Variants in THOC5 observed in about 807,000 individuals in gnomAD.
THOC5 encodes THO complex subunit 5.
THOC5 carries 43 observed loss-of-function variants against 92.9 expected under a neutral mutation model. That is an observed-to-expected ratio of 0.46 (90% CI 0.36 to 0.60). THOC5 has a LOEUF of 0.60. Among genes scored for constraint, THOC5 ranks in the 20% least tolerant of loss-of-function variants. The probability of loss-of-function intolerance (pLI) is 0.00; values close to 1 mark genes in which losing one functional copy is unlikely to be tolerated. For missense variants in THOC5, 659 were observed against 849.4 expected (o/e 0.78, Z 2.79); for synonymous variants, 296 against 320.1 (o/e 0.92, Z 0.80).
At chr22:29,519,236 G>A (rs1400643537) in intron 14 of THOC5, 116 bp from the exon 15 acceptor site, 1 of 630,260 alleles carries the variant, frequency 1.6e-6, no homozygotes, top group Non-Finnish European at 2.8e-6. Context: ...GCCCCAAGAT[G>A]GGTACCCTTT....
intron 11 of THOC5, among the ~76,000 whole-genome samples, chr22:29,526,588 TC>T (rs2063549915): frequency 6.6e-6 from 1 of 150,618 alleles, no homozygotes; most frequent in South Asian, 2.1e-4. Context: ...AAGGAGAGCA[TC>T]TACAAATTCT....
chr22:29,532,526 G>A (rs756555753), intron 7 of THOC5, among the ~76,000 whole-genome samples: 8 of 151,298 alleles, frequency 5.3e-5, no homozygotes, highest in Non-Finnish European at 8.8e-5. Flanking sequence ...TTAGCTGGGC[G>A]TGGTGGCATA....
intron 17 of THOC5, among the ~76,000 whole-genome samples, chr22:29,513,244 C>A (rs866627652): frequency 2.6e-5 from 4 of 151,984 alleles, no homozygotes; most frequent in African/African-American, 7.2e-5. Flanking sequence ...CAGCTACCAG[C>A]TACTCAGGAG....
At chr22:29,549,880 G>A (rs1306648767) in intron 1 of THOC5, among the ~76,000 whole-genome samples, 3 of 151,912 alleles carry the variant, frequency 2.0e-5, no homozygotes, top group African/African-American at 2.4e-5. Flanking sequence ...TATCCTTCAA[G>A]ACTAAGCAAT....
At position 29,549,197 on chromosome 22, in the gene THOC5, C is replaced by A. The variant is rs201770075; in HGVS notation, c.-11-39G>T. 66 of 1,578,546 alleles carry A rather than the reference C, an allele frequency of 4.2e-5. No individual in the cohort carries two copies. The Admixed American group carries it at 7.9e-4, about 19-fold the overall frequency. On this transcript the variant is annotated intron_variant, in intron 1 of 19. Coordinates refer to ENST00000490103, the MANE Select transcript of THOC5 (RefSeq NM_003678.5). ...AAAGTTTTTGAGATTCTTCTGGAGT[C>A]ATAACACTGAAGTCAAACTAGCAGT...
chr22:29,515,161 C>T (rs967955815), intron 17 of THOC5, among the ~76,000 whole-genome samples: 1 of 152,058 alleles, frequency 6.6e-6, no homozygotes, highest in Non-Finnish European at 1.5e-5. Flanking sequence ...CCTGCCTCAG[C>T]CTCCTGAGTA....
chr22:29,543,546 T>C lies in THOC5; in HGVS notation c.241-4A>G, dbSNP rs778662297. 1.9e-6 allele frequency: 3 copies of C among 1,608,800 alleles called. No homozygotes were observed. The Admixed American group carries it at 5.0e-5, about 27-fold the overall frequency. On this transcript the variant is annotated splice_region_variant and splice_polypyrimidine_tract_variant and intron_variant, in intron 3 of 19. Coordinates refer to ENST00000490103, the MANE Select transcript of THOC5 (RefSeq NM_003678.5). ...TCCGTTCTTCTATTTCTATTGCCTG[T>C]GGGCAAAGAAAACAGTAAAGCCCAC...
intron 2 of THOC5, among the ~76,000 whole-genome samples, chr22:29,548,500 A>G (rs1027419297): frequency 3.9e-5 from 6 of 152,182 alleles, no homozygotes; most frequent in African/African-American, 1.4e-4. Flanking sequence ...GTCTGCAGTG[A>G]GCAGAAATCG....
intron 17 of THOC5, among the ~76,000 whole-genome samples, chr22:29,516,629 G>A (rs188077757): frequency 6.6e-5 from 10 of 152,346 alleles, no homozygotes; most frequent in Admixed American, 2.6e-4. Context: ...AAGAGGGAGC[G>A]AGGCCCTGTG....
intron 5 of THOC5, among the ~76,000 whole-genome samples, chr22:29,541,721 C>T (rs1443207265): frequency 3.4e-5 from 5 of 148,824 alleles, no homozygotes; most frequent in East Asian, 2.0e-4. Flanking sequence ...ATTAGCCGGG[C>T]GTGGTGGCAA....
At chr22:29,547,849 CTGGATTAGTTTAT>C (rs2064056529) in intron 2 of THOC5, among the ~76,000 whole-genome samples, 1 of 152,180 alleles carries the variant, frequency 6.6e-6, no homozygotes, top group Admixed American at 6.6e-5. Flanking sequence ...TATGAATTTA[CTGGATTAGTTTAT>C]TTTCACGCTG....
In THOC5 at chr22:29,508,532, G is replaced by T; in HGVS notation, c.1989-12C>A. On this transcript the variant is annotated splice_polypyrimidine_tract_variant and intron_variant, in intron 19 of 19. Coordinates refer to ENST00000490103, the MANE Select transcript of THOC5 (RefSeq NM_003678.5). The stretch of plus-strand genomic sequence containing the variant: ...TCCTGCTAGGACCCCTAGAGAAATA[G>T]GAGAACGGAGTTGTTAATAACACAC... 1 of 1,610,086 alleles carries T rather than the reference G, an allele frequency of 6.2e-7. No homozygotes were observed. Among genetic ancestry groups the T allele is most frequent in the Non-Finnish European group, 8.5e-7 (1 of 1,176,350 alleles).
chr22:29,515,284 T>C (rs1178858578), intron 17 of THOC5, among the ~76,000 whole-genome samples: 1 of 151,444 alleles, frequency 6.6e-6, no homozygotes, highest in Non-Finnish European at 1.5e-5. Flanking sequence ...TCAGGTGATC[T>C]GCCCACCTCA....
At chr22:29,539,248 A>G in intron 6 of THOC5, 82 bp downstream of exon 6, 6 of 1,427,106 alleles carry the variant, frequency 4.2e-6, no homozygotes, top group Non-Finnish European at 5.8e-6. Context: ...TGAGAGTTGC[A>G]CAGTGTTTTG....
intron 12 of THOC5, among the ~76,000 whole-genome samples, chr22:29,522,768 C>T (rs2063469233): frequency 6.6e-6 from 1 of 150,960 alleles, no homozygotes. Flanking sequence ...TTTGGGAGGC[C>T]GAGGCGGGCA....
rs566229184 is a variant in THOC5, at chr22:29,523,135, G to A, written c.1176-2036C>T. Among the ~76,000 whole-genome samples, 162 of 151,914 alleles carry A rather than the reference G, an allele frequency of 1.1e-3. 1 individual carries two copies. Among genetic ancestry groups the A allele is most frequent in the African/African-American group, 3.8e-3 (156 of 41,424 alleles). On this transcript the variant is annotated intron_variant, in intron 12 of 19. Transcript: ENST00000490103. ...CGCATGCCTGTAATCCCAGCTACTCGAGAGGCTGAGGCAGGAGAATCACTT... is the reference window on the plus strand; with the variant it reads ...CGCATGCCTGTAATCCCAGCTACTCAAGAGGCTGAGGCAGGAGAATCACTT...
At chr22:29,539,238 T>C in intron 6 of THOC5, 92 bp downstream of exon 6, 1 of 1,362,620 alleles carries the variant, frequency 7.3e-7, no homozygotes, top group Non-Finnish European at 1.0e-6. Flanking sequence ...GAAACTATTC[T>C]GAGAGTTGCA....
chr22:29,544,868 T>C (rs1363318100), intron 2 of THOC5, among the ~76,000 whole-genome samples: 4 of 152,026 alleles, frequency 2.6e-5, no homozygotes, highest in East Asian at 1.9e-4. Context: ...AATGGAAAAA[T>C]TGCCTATAAT....
chr22:29,528,002 C>T, intron 11 of THOC5, 76 bp downstream of exon 11: 1 of 1,442,536 alleles, frequency 6.9e-7, no homozygotes, highest in Admixed American at 1.8e-5. Flanking sequence ...TGTTTGGCTC[C>T]CGGACCCTCT....
Sources: gnomAD v4.1 joint callset for allele counts (sites outside exome capture counted in the v4.1 genomes callset) on GRCh38, gnomAD v4.1.1 for gene constraint, MANE v1.5 for transcripts, NCBI Gene and HGNC (gene_info 2026-07-23, HGNC 2026-07-21) for gene names.